Variants in TXNDC15 observed in about 807,000 individuals in gnomAD.
The protein encoded by TXNDC15 is thioredoxin domain-containing protein 15.
Under a neutral mutation model 35.0 loss-of-function variants are expected in TXNDC15, and 24 were observed. That is an observed-to-expected ratio of 0.68 (90% confidence interval 0.50 to 0.96). The LOEUF (loss-of-function observed/expected upper bound fraction) is 0.96. Among genes scored for constraint, TXNDC15 ranks in the 40% least tolerant of loss-of-function variants. The pLI is 0.00. For synonymous variants in TXNDC15, 169 were observed against 174.0 expected (o/e 0.97, Z 0.23); for missense variants, 385 against 453.3 (o/e 0.85, Z 1.37).
At position 134,900,845 on chromosome 5, in the gene TXNDC15, T is replaced by C. The variant is rs1750587356; in HGVS notation, c.*1160T>C. ...CTCTGTCACCTAGGCTGGAGTGCAA[T>C]GGTGCAATCTTGGCTCACTGCAACC... On this transcript the variant is annotated 3_prime_UTR_variant, in exon 5 of 5. Coordinates refer to ENST00000358387, the MANE Select transcript of TXNDC15 (RefSeq NM_024715.4). 1 of 151,688 alleles carries C rather than the reference T, an allele frequency of 6.6e-6. No homozygotes were observed. The highest frequency in any genetic ancestry group is 1.5e-5 in the Non-Finnish European group (1 of 68,078). The allele number at this position is 151,688 out of a possible 1,614,324, so 9.4% of individuals were successfully genotyped here.
intron 3 of TXNDC15, among the ~76,000 whole-genome samples, chr5:134,894,176 C>T (rs1009124072): frequency 2.0e-5 from 3 of 151,724 alleles, no homozygotes; most frequent in Non-Finnish European, 4.4e-5. Context: ...AGTAGGCACT[C>T]GATCAAGTCA....
chr5:134,887,816 A>G lies in TXNDC15; in HGVS notation c.225A>G (p.Ala75=). The G allele has an allele frequency of 3.1e-6, 5 of 1,614,234 alleles. No individual in the cohort carries two copies. The highest frequency in any genetic ancestry group is 1.1e-5 in the South Asian group (1 of 91,084). The part of the protein sequence containing the change: ...LHDPMGQDRA[A]EEANAVLGLD... ...ACCCGATGGGCCAGGACAGGGCAGC[A>G]GAAGAGGCCAATGCGGTGCTGGGGC... Residue 75 remains alanine (A), a synonymous_variant, in exon 2 of 5, where the codon GCA becomes GCG. Coordinates refer to ENST00000358387, the MANE Select transcript of TXNDC15 (RefSeq NM_024715.4).
At chr5:134,893,354 G>C in intron 2 of TXNDC15, 138 bp from the exon 3 acceptor site, 1 of 951,538 alleles carries the variant, frequency 1.1e-6, no homozygotes, top group East Asian at 2.4e-5. Flanking sequence ...AATCCAAAAG[G>C]TTCCGAGGGT....
chr5:134,885,175 GC>G (rs926991408), intron 1 of TXNDC15, among the ~76,000 whole-genome samples: 7 of 152,174 alleles, frequency 4.6e-5, no homozygotes, highest in African/African-American at 1.7e-4. Flanking sequence ...ACCCACCTCG[GC>G]CTTCCAAATT....
chr5:134,897,280 C>T (rs1175943991), intron 4 of TXNDC15, among the ~76,000 whole-genome samples: 1 of 151,746 alleles, frequency 6.6e-6, no homozygotes. Flanking sequence ...CGGAGTCTCG[C>T]TCTGTCACCC....
At chr5:134,874,622 C>A in intron 1 of TXNDC15, 92 bp downstream of exon 1, 1 of 1,015,738 alleles carries the variant, frequency 9.8e-7, no homozygotes, top group Non-Finnish European at 1.4e-6. Flanking sequence ...GCCGGCGGTG[C>A]GCGACTCGCC....
chr5:134,880,260 C>T (rs1202653060), intron 1 of TXNDC15, among the ~76,000 whole-genome samples: 5 of 152,108 alleles, frequency 3.3e-5, no homozygotes, highest in Non-Finnish European at 7.4e-5. Flanking sequence ...GTATATTTAT[C>T]CATGTAGTTA....
At chr5:134,897,790 C>A (rs1750524772) in intron 4 of TXNDC15, among the ~76,000 whole-genome samples, 1 of 152,136 alleles carries the variant, frequency 6.6e-6, no homozygotes, top group Non-Finnish European at 1.5e-5. Context: ...GGGTGGATCT[C>A]TTGAGGCCAG....
Position 134,887,712 on chromosome 5 carries a change from C to A in TXNDC15, c.121C>A (p.Arg41Ser). The A allele has an allele frequency of 1.3e-6, 2 of 1,576,498 alleles. No homozygotes were observed. The highest frequency in any genetic ancestry group is 1.2e-5 in the South Asian group (1 of 86,474). The change falls in exon 2 of 5, where the codon CGC (arginine) becomes AGC (serine). Residue 41 changes from arginine (R) to serine (S), a missense_variant. Arg to Ser is a moderately radical substitution (Grantham distance 110). Coordinates refer to ENST00000358387, the MANE Select transcript of TXNDC15 (RefSeq NM_024715.4). ...RGVEVAEESG[R>S]LWSEEQPAHP... ...TGTTTTAGTTGCAGAGGAAAGTGGT[C>A]GCTTATGGTCAGAGGAGCAGCCTGC...
upstream of TXNDC15, chr5:134,874,095 G>A: frequency 8.6e-6 from 2 of 231,940 alleles, no homozygotes; most frequent in Non-Finnish European, 1.7e-5. Flanking sequence ...TTAGGCGGGC[G>A]CAGTGCTTCA....
intron 1 of TXNDC15, among the ~76,000 whole-genome samples, chr5:134,885,622 A>T (rs1020909186): frequency 6.6e-6 from 1 of 152,158 alleles, no homozygotes; most frequent in African/African-American, 2.4e-5. Context: ...CTGTCTTGCA[A>T]ACTATGGCTT....
chr5:134,896,597 A>G (rs1482261590), intron 4 of TXNDC15, among the ~76,000 whole-genome samples, 173 bp downstream of exon 4: 3 of 151,702 alleles, frequency 2.0e-5, no homozygotes, highest in African/African-American at 7.3e-5. Flanking sequence ...CCCAATCAGT[A>G]TGAAGTTTAA....
chr5:134,891,435 T>C (rs953755826), intron 2 of TXNDC15, among the ~76,000 whole-genome samples: 1 of 152,226 alleles, frequency 6.6e-6, no homozygotes, highest in Non-Finnish European at 1.5e-5. Flanking sequence ...ACCAGGTGCA[T>C]TGTCAACGAG....
Position 134,899,925 on chromosome 5 carries a change from C to A in TXNDC15, c.*240C>A, listed in dbSNP as rs567339954. On this transcript the variant is annotated 3_prime_UTR_variant, in exon 5 of 5. Transcript: ENST00000358387. ...ACTATTCTTGTTTTTACTGCATGAA[C>A]GTAATCCAGTATTTGGAAAGTAATC... 2 of 392,566 alleles carry A rather than the reference C, an allele frequency of 5.1e-6. No homozygotes were observed. The allele number at this position is 392,566 out of a possible 1,614,324, so 24.3% of individuals were successfully genotyped here.
rs1223884159 is a variant in TXNDC15 at position 134,901,218 on chromosome 5, C to T, written c.*1533C>T. The T allele has an allele frequency of 1.3e-5, 2 of 152,276 alleles. No individual in the cohort carries two copies. The highest frequency in any genetic ancestry group is 6.5e-5 in the Admixed American group (1 of 15,296). 9.4% of individuals were successfully genotyped at this position (152,276 alleles called of 1,614,324 possible). On this transcript the variant is annotated 3_prime_UTR_variant, in exon 5 of 5. Transcript: ENST00000358387. Reference sequence around the variant, plus strand: ...TTAGAGTAGTTGAATGTTTATTTCACAAGGCACCCTAAATTCTATAGAAAT... The same window carrying T: ...TTAGAGTAGTTGAATGTTTATTTCATAAGGCACCCTAAATTCTATAGAAAT...
intron 1 of TXNDC15, among the ~76,000 whole-genome samples, chr5:134,876,624 C>T (rs1364900993): frequency 2.0e-5 from 3 of 151,954 alleles, no homozygotes; most frequent in African/African-American, 4.8e-5. Context: ...CTGGCTGATT[C>T]AGGGTTCAGC....
intron 1 of TXNDC15, chr5:134,875,120 C>T (rs1164326535): frequency 8.8e-6 from 4 of 456,306 alleles, no homozygotes; most frequent in South Asian, 6.2e-5. Flanking sequence ...GGAGGCCAGT[C>T]TTGCTCAGCT....
intron 1 of TXNDC15, among the ~76,000 whole-genome samples, chr5:134,878,433 C>T (rs1241601230): frequency 6.6e-6 from 1 of 152,180 alleles, no homozygotes; most frequent in Non-Finnish European, 1.5e-5. Context: ...ACAGTATTGC[C>T]TATGGAAAGT....
Position 134,899,801 on chromosome 5 carries a change from A to G in TXNDC15, c.*116A>G, listed in dbSNP as rs370873528. 47 of 843,114 alleles carry G rather than the reference A, an allele frequency of 5.6e-5. No individual in the cohort carries two copies. Among genetic ancestry groups the G allele is most frequent in the East Asian group, 5.3e-4 (19 of 35,592 alleles). 52.2% of individuals were successfully genotyped at this position (843,114 alleles called of 1,614,324 possible). A position where few individuals can be genotyped will look rare whatever the true frequency, so the allele number is the denominator to read the frequency against. The stretch of plus-strand genomic sequence containing the variant: ...TTGACTTGAAACTTCAGGCAGATTA[A>G]AAGAATCATTTGTTGAACAACTGAA... On this transcript the variant is annotated 3_prime_UTR_variant, in exon 5 of 5. Coordinates refer to ENST00000358387, the MANE Select transcript of TXNDC15 (RefSeq NM_024715.4).
Sources: allele counts gnomAD v4.1 joint callset (sites outside exome capture counted in the v4.1 genomes callset), GRCh38; gene constraint gnomAD v4.1.1; transcripts MANE v1.5; gene names NCBI Gene and HGNC (gene_info 2026-07-23, HGNC 2026-07-21).